The following CREB5 variants were observed in gnomAD, a reference collection of about 807,000 sequenced individuals.
CREB5 encodes the protein cAMP responsive element binding protein 5, also known as cyclic AMP-responsive element-binding protein 5.
Under a neutral mutation model 57.1 loss-of-function variants are expected in CREB5, and 19 were observed. The observed-to-expected ratio is 0.33, with a 90% CI of 0.23 to 0.49. The LOEUF (loss-of-function observed/expected upper bound fraction) is 0.49, where lower values mean the gene tolerates loss of function less well. Among genes scored for constraint, CREB5 ranks in the 20% least tolerant of loss-of-function variants. CREB5 has a pLI of 0.99. For synonymous variants in CREB5, 238 were observed against 238.3 expected, an observed-to-expected ratio of 1.00 and a Z score of 0.01; for missense variants, 579 against 671.6, an observed-to-expected ratio of 0.86 and a Z score of 1.52.
At chr7:28,345,819 G>A (rs998036021) in intron 1 of CREB5, among the ~76,000 whole-genome samples, 6 of 152,154 alleles carry the variant, frequency 3.9e-5, no homozygotes, top group Non-Finnish European at 7.4e-5. Flanking sequence ...GTGCAGAGGT[G>A]GTGTGACCCA....
At chr7:28,392,612 CTT>C (rs1171084386) in intron 1 of CREB5, among the ~76,000 whole-genome samples, 1 of 152,206 alleles carries the variant, frequency 6.6e-6, no homozygotes, top group African/African-American at 2.4e-5. Flanking sequence ...CTAATTCACT[CTT>C]GACCTTGACT....
At chr7:28,663,491 C>A (rs1212290278) in intron 5 of CREB5, among the ~76,000 whole-genome samples, 1 of 152,108 alleles carries the variant, frequency 6.6e-6, no homozygotes, top group Non-Finnish European at 1.5e-5. Context: ...TGGGTGTGAG[C>A]CACCGCACTC....
intron 5 of CREB5, among the ~76,000 whole-genome samples, chr7:28,681,517 AC>A (rs2128724443): frequency 6.6e-6 from 1 of 152,220 alleles, no homozygotes; most frequent in South Asian, 2.1e-4. Flanking sequence ...GATGTATGCC[AC>A]CACGCCCAGT....
At chr7:28,306,772 G>T (rs572420415) in intron 1 of CREB5, among the ~76,000 whole-genome samples, 1 of 131,578 alleles carries the variant, frequency 7.6e-6, no homozygotes, top group Non-Finnish European at 1.7e-5. Flanking sequence ...CGTGTTAGCC[G>T]GGATGGTCTC....
At chr7:28,592,500 G>A (rs1444058374) in intron 5 of CREB5, among the ~76,000 whole-genome samples, 1 of 152,134 alleles carries the variant, frequency 6.6e-6, no homozygotes, top group East Asian at 1.9e-4. Context: ...TTTGGATGAG[G>A]GAGCAAGGGG....
chr7:28,505,985 C>T (rs765915599), intron 3 of CREB5, among the ~76,000 whole-genome samples: 12 of 152,024 alleles, frequency 7.9e-5, no homozygotes, highest in Non-Finnish European at 1.5e-4. Flanking sequence ...TCTGTAATGC[C>T]GAATTTACGA....
In CREB5 at chr7:28,819,345, C is replaced by T; in HGVS notation, c.*66C>T. On this transcript the variant is annotated 3_prime_UTR_variant, in exon 11 of 11. Transcript: ENST00000357727. ...TACCATGCGTCCTTTCTTTTAAGGG[C>T]ATTTTTAGAATTAACTCAGACCTGG... 1 of 1,499,754 alleles carries T rather than the reference C, an allele frequency of 6.7e-7. No homozygotes were observed. The highest frequency in any genetic ancestry group is 1.3e-5 in the South Asian group (1 of 75,516). 92.9% of individuals were successfully genotyped at this position (1,499,754 alleles called of 1,614,324 possible).
At chr7:28,647,581 C>T (rs41324) in intron 5 of CREB5, among the ~76,000 whole-genome samples, 12 of 152,168 alleles carry the variant, frequency 7.9e-5, no homozygotes, top group African/African-American at 2.4e-4. Flanking sequence ...CTTGTAATTC[C>T]GGAAATCTGC....
intron 5 of CREB5, among the ~76,000 whole-genome samples, chr7:28,623,964 A>G (rs555917132): frequency 2.6e-5 from 4 of 152,194 alleles, no homozygotes; most frequent in Non-Finnish European, 4.4e-5. Flanking sequence ...TATGATAAGA[A>G]CAATGATGAT....
intron 2 of CREB5, 45 bp downstream of exon 2, chr7:28,488,291 T>TC (rs1407282274): frequency 6.4e-7 from 1 of 1,573,194 alleles, no homozygotes; most frequent in African/African-American, 1.4e-5. Context: ...GGGCCTGCTT[T>TC]CCGAAAGGGA....
In CREB5 at chr7:28,381,469, T is replaced by C. The variant is rs571558540; in HGVS notation, c.-25+82028T>C. 3.9e-5 allele frequency among the ~76,000 whole-genome samples: 6 copies of C among 152,346 alleles called. No homozygotes were observed. In the South Asian group the frequency reaches 1.0e-3, roughly 26 times the overall value. On this transcript the variant is annotated intron_variant, in intron 1 of 9. Coordinates refer to the CREB5 transcript ENST00000396299. ...CTTCCCAGAGCTCCTCAAAATATCA[T>C]GTAGCTTTCGGACTTTGATTTCTCA...
chr7:28,583,524 C>T (rs1314563701), intron 5 of CREB5, among the ~76,000 whole-genome samples: 2 of 152,126 alleles, frequency 1.3e-5, no homozygotes, highest in African/African-American at 2.4e-5. Context: ...ACAACAATAA[C>T]AAAGGAAGTT....
chr7:28,793,721 G>A (rs989074367), intron 7 of CREB5, among the ~76,000 whole-genome samples: 22 of 152,318 alleles, frequency 1.4e-4, no homozygotes, highest in East Asian at 3.9e-4. Flanking sequence ...TGGCTGTCCC[G>A]CCCAAGCAGC....
chr7:28,466,402 G>T (rs1363863094), intron 1 of CREB5, among the ~76,000 whole-genome samples: 2 of 152,118 alleles, frequency 1.3e-5, no homozygotes, highest in South Asian at 2.1e-4. Context: ...AAGCCTGTAG[G>T]CGTTGCAGTT....
At chr7:28,622,804 T>A (rs940185224) in intron 5 of CREB5, among the ~76,000 whole-genome samples, 1 of 152,058 alleles carries the variant, frequency 6.6e-6, no homozygotes, top group Admixed American at 6.5e-5. Flanking sequence ...AAGGATCACT[T>A]CAGCCCATGG....
In CREB5 at chr7:28,457,243, A is replaced by G. The variant is rs571052760; in HGVS notation, c.4-30932A>G. Among the ~76,000 whole-genome samples, 10 of 152,328 alleles carry G rather than the reference A, an allele frequency of 6.6e-5. No individual in the cohort carries two copies. In the South Asian group the frequency reaches 2.1e-3, roughly 32 times the overall value. On this transcript the variant is annotated intron_variant, in intron 1 of 10. Coordinates refer to ENST00000357727, the MANE Select transcript of CREB5 (RefSeq NM_182898.4). ...CACCTCTTAATACTGCCACAATGGC[A>G]TATAATTTCAACATGAATTTTGGAG...
chr7:28,340,549 T>A (rs1433667891), intron 1 of CREB5, among the ~76,000 whole-genome samples: 3 of 152,120 alleles, frequency 2.0e-5, no homozygotes, highest in Non-Finnish European at 4.4e-5. Flanking sequence ...TCACCTTAAG[T>A]GGAAGGAAGG....
intron 7 of CREB5, among the ~76,000 whole-genome samples, chr7:28,792,670 G>C (rs1031652799): frequency 6.6e-6 from 1 of 152,194 alleles, no homozygotes; most frequent in Non-Finnish European, 1.5e-5. Flanking sequence ...AAAAGATTCC[G>C]TATTTTTTAT....
chr7:28,617,986 G>A (rs1451830852), intron 5 of CREB5, among the ~76,000 whole-genome samples: 2 of 152,164 alleles, frequency 1.3e-5, no homozygotes, highest in South Asian at 2.1e-4. Flanking sequence ...ATGAAATGAG[G>A]CAAACTTTGA....
Sources: allele counts gnomAD v4.1 joint callset (sites outside exome capture counted in the v4.1 genomes callset), GRCh38; gene constraint gnomAD v4.1.1; transcripts MANE v1.5; gene names NCBI Gene and HGNC (gene_info 2026-07-23, HGNC 2026-07-21).